GATB: variants seen among roughly 807,000 people sequenced by gnomAD.
GATB encodes the protein glutamyl-tRNA(Gln) amidotransferase subunit B, mitochondrial.
GATB carries 39 observed loss-of-function variants against 62.3 expected under a neutral mutation model. The observed-to-expected ratio is 0.63, with a 90% CI of 0.48 to 0.82. GATB has a LOEUF of 0.82. GATB is among the 40% of genes least tolerant of loss of function. GATB has a pLI of 0.00. For synonymous variants in GATB, 276 were observed against 258.9 expected (o/e 1.07, Z -0.63); for missense variants, 670 against 684.0 (o/e 0.98, Z 0.23).
chr4:151,758,876 T>C lies in GATB; in HGVS notation c.223A>G (p.Ile75Val). ...AVVGLEIHAQ[I>V]SSNSKLFSGS... is the part of the protein sequence containing the mutation. ...GAGAAGAGTTTAGAGTTGGAGGAAATCTGGGCATGAATTTCCAAACCTACC... is the reference window on the plus strand; with the variant it reads ...GAGAAGAGTTTAGAGTTGGAGGAAACCTGGGCATGAATTTCCAAACCTACC... Residue 75 changes from isoleucine to valine, a missense_variant, in exon 2 of 13, where the codon ATT (isoleucine) becomes GTT (valine). By Grantham distance (29) the Ile-to-Val change is conservative. Transcript: ENST00000263985. 6.2e-7 allele frequency: 1 copy of C among 1,611,336 alleles called. No homozygotes were observed. Among genetic ancestry groups the C allele is most frequent in the Non-Finnish European group, 8.5e-7 (1 of 1,178,504 alleles).
In GATB at chr4:151,672,723, G is replaced by T. The variant is rs962939129; in HGVS notation, c.1545+39C>A. 1.9e-6 allele frequency: 3 copies of T among 1,603,968 alleles called. No homozygotes were observed. The African/African-American group carries it at 4.0e-5, about 21-fold the overall frequency. On this transcript the variant is annotated intron_variant, in intron 12 of 12. Coordinates refer to ENST00000263985, the MANE Select transcript of GATB (RefSeq NM_004564.3). The stretch of plus-strand genomic sequence containing the variant: ...TGGCGAGGCTCTTGGGCATGTCCTG[G>T]GGCTGGCTCTGGCCCTCTCCCCTGC...
At chr4:151,749,944 C>G (rs1739684314) in intron 2 of GATB, among the ~76,000 whole-genome samples, 1 of 152,026 alleles carries the variant, frequency 6.6e-6, no homozygotes, top group African/African-American at 2.4e-5. Flanking sequence ...TGCAGTGGCG[C>G]TATCTCGGCT....
At chr4:151,741,479 A>C (rs1578935917) in intron 2 of GATB, among the ~76,000 whole-genome samples, 1 of 152,230 alleles carries the variant, frequency 6.6e-6, no homozygotes, top group Non-Finnish European at 1.5e-5. Flanking sequence ...CAAACCAATA[A>C]AAGGATGTGG....
intron 2 of GATB, among the ~76,000 whole-genome samples, chr4:151,727,812 T>G (rs1739166471): frequency 1.3e-5 from 2 of 152,158 alleles, no homozygotes; most frequent in African/African-American, 4.8e-5. Context: ...AGCAGACACT[T>G]AGTAATATTA....
intron 10 of GATB, among the ~76,000 whole-genome samples, chr4:151,682,958 G>C (rs1738171798): frequency 6.6e-6 from 1 of 152,002 alleles, no homozygotes; most frequent in Admixed American, 6.5e-5. Context: ...CATTTCACAA[G>C]GACATCAGCT....
At chr4:151,698,875 C>T (rs1213789479) in intron 9 of GATB, among the ~76,000 whole-genome samples, 1 of 151,936 alleles carries the variant, frequency 6.6e-6, no homozygotes, top group Non-Finnish European at 1.5e-5. Context: ...AAAAAATTCA[C>T]CCTTCTTTTT....
At chr4:151,750,049 T>A (rs1414811200) in intron 2 of GATB, among the ~76,000 whole-genome samples, 3 of 152,112 alleles carry the variant, frequency 2.0e-5, no homozygotes, top group African/African-American at 7.2e-5. Context: ...ACCCAGCTAA[T>A]TTTTTGTACT....
intron 5 of GATB, among the ~76,000 whole-genome samples, chr4:151,711,015 A>G (rs1193458376): frequency 6.6e-6 from 1 of 152,190 alleles, no homozygotes; most frequent in Non-Finnish European, 1.5e-5. Flanking sequence ...CAATTTCGGT[A>G]AACAGCACCA....
At chr4:151,720,062 T>C (rs1460840828) in intron 2 of GATB, 1 of 152,568 alleles carries the variant, frequency 6.6e-6, no homozygotes, top group African/African-American at 2.4e-5. Context: ...TTTCTGTCCA[T>C]GCCAGGCCAA....
chr4:151,752,346 T>C lies in GATB; in HGVS notation c.327+6426A>G, dbSNP rs570152796. ...CTTTCCATTTAGAGATATATGTCCT[T>C]CAATTCTGGGAAATTAATCCACGTG... On this transcript the variant is annotated intron_variant, in intron 2 of 12. Transcript: ENST00000263985. Among the ~76,000 whole-genome samples, 11 of 152,350 alleles carry C rather than the reference T, an allele frequency of 7.2e-5. No homozygotes were observed. In the South Asian group the frequency reaches 1.7e-3, roughly 23 times the overall value.
intron 8 of GATB, 146 bp downstream of exon 8, chr4:151,703,705 G>A: frequency 1.5e-6 from 1 of 687,446 alleles, no homozygotes; most frequent in South Asian, 1.7e-5. Flanking sequence ...TATCAAAGAG[G>A]AAGTCTAGAT....
At chr4:151,757,110 T>C (rs568362298) in intron 2 of GATB, among the ~76,000 whole-genome samples, 1 of 152,184 alleles carries the variant, frequency 6.6e-6, no homozygotes, top group Admixed American at 6.5e-5. Flanking sequence ...CCAAAAAAGA[T>C]GTCATATATT....
At chr4:151,692,328 C>T (rs6822729) in intron 9 of GATB, among the ~76,000 whole-genome samples, 22,345 of 152,092 alleles carry the variant, frequency 0.15, 1,947 homozygotes, top group African/African-American at 0.25. Context: ...TGCCTGGGAC[C>T]GAAACTGAGC....
intron 5 of GATB, among the ~76,000 whole-genome samples, chr4:151,714,645 C>T (rs1203122444): frequency 6.6e-6 from 1 of 152,202 alleles, no homozygotes; most frequent in Non-Finnish European, 1.5e-5. Context: ...TCTCAGTTAA[C>T]AGGTGACCTA....
chr4:151,740,931 C>T (rs1347317940), intron 2 of GATB, among the ~76,000 whole-genome samples: 3 of 151,842 alleles, frequency 2.0e-5, no homozygotes, highest in African/African-American at 7.3e-5. Flanking sequence ...TTTTGGACTA[C>T]TACATATTTA....
chr4:151,736,262 C>T (rs1246454025), intron 2 of GATB, among the ~76,000 whole-genome samples: 3 of 152,028 alleles, frequency 2.0e-5, no homozygotes, highest in African/African-American at 4.8e-5. Context: ...AGTATATAAA[C>T]CCTGCAAATA....
Position 151,679,820 on chromosome 4 carries a change from G to T in GATB, c.1403C>A (p.Ala468Asp). 1 of 1,613,912 alleles carries T rather than the reference G, an allele frequency of 6.2e-7. No homozygotes were observed. Among genetic ancestry groups the T allele is most frequent in the Non-Finnish European group, 8.5e-7 (1 of 1,179,766 alleles). Residue 468 changes from alanine to aspartate, a missense_variant, in exon 11 of 13, where the codon GCT (alanine) becomes GAT (aspartate). Physicochemically the swap from Ala to Asp is moderately radical, Grantham distance 126. Transcript: ENST00000263985. Reference protein sequence around the residue: ...LDSRTISSSAAKQVFEELWKR... With the variant: ...LDSRTISSSADKQVFEELWKR... ...TCGGGAGTGTGGACATACCTGTTTA[G>T]CTGCTGATGAAGAAATTGTTCTGCT...
At chr4:151,717,961 G>C (rs1476786558) in intron 3 of GATB, among the ~76,000 whole-genome samples, 1 of 150,300 alleles carries the variant, frequency 6.7e-6, no homozygotes, top group Non-Finnish European at 1.5e-5. Flanking sequence ...TACAGAGCTA[G>C]TGAGCATCAA....
At chr4:151,741,897 A>C (rs1453918079) in intron 2 of GATB, among the ~76,000 whole-genome samples, 3 of 152,216 alleles carry the variant, frequency 2.0e-5, no homozygotes, top group Admixed American at 1.3e-4. Context: ...TCATCTTTAA[A>C]GGCAATAAGT....
Sources: allele counts gnomAD v4.1 joint callset (sites outside exome capture counted in the v4.1 genomes callset), GRCh38; gene constraint gnomAD v4.1.1; transcripts MANE v1.5; gene names NCBI Gene and HGNC (gene_info 2026-07-23, HGNC 2026-07-21).